Variants in FOCAD observed in about 807,000 individuals in gnomAD.
FOCAD encodes the protein KIAA1797.
In FOCAD, 198 loss-of-function variants were observed where a neutral mutation model predicts 225.6. That is an observed-to-expected ratio of 0.88 (90% CI 0.78 to 0.99). The LOEUF (loss-of-function observed/expected upper bound fraction) is 0.99, where lower values mean the gene tolerates loss of function less well. FOCAD is among the 50% of genes least tolerant of loss of function. FOCAD has a pLI of 0.00. For missense variants in FOCAD, 2,713 were observed against 2,123.6 expected (o/e 1.28, Z -5.46); for synonymous variants, 897 against 755.0 (o/e 1.19, Z -3.08).
chr9:20,964,327 T>A (rs1235528917), intron 35 of FOCAD, among the ~76,000 whole-genome samples: 1 of 152,054 alleles, frequency 6.6e-6, no homozygotes, highest in African/African-American at 2.4e-5. Flanking sequence ...GCTGCTGCAC[T>A]TACTTGCAGT....
intron 11 of FOCAD, among the ~76,000 whole-genome samples, chr9:20,816,131 A>G (rs1376179597): frequency 6.6e-6 from 1 of 152,144 alleles, no homozygotes; most frequent in Non-Finnish European, 1.5e-5. Context: ...GCCAAGTCTC[A>G]TAAAGGAACT....
intron 35 of FOCAD, among the ~76,000 whole-genome samples, chr9:20,960,526 G>A (rs939692631): frequency 2.0e-5 from 3 of 151,942 alleles, no homozygotes; most frequent in African/African-American, 7.3e-5. Flanking sequence ...AATACTTCTT[G>A]CCTGAATTAT....
upstream of FOCAD, among the ~76,000 whole-genome samples, chr9:20,655,930 C>T (rs1260949101): frequency 6.6e-6 from 1 of 151,988 alleles, no homozygotes; most frequent in Non-Finnish European, 1.5e-5. Flanking sequence ...ATAAATTTCC[C>T]TCTACACACT....
intron 5 of FOCAD, among the ~76,000 whole-genome samples, chr9:20,757,609 A>G (rs559160622): frequency 6.6e-6 from 1 of 152,272 alleles, no homozygotes; most frequent in African/African-American, 2.4e-5. Context: ...GAACCATACA[A>G]TGGGAATAAT....
chr9:20,689,179 G>T (rs923164564), intron 1 of FOCAD, among the ~76,000 whole-genome samples: 2 of 152,200 alleles, frequency 1.3e-5, no homozygotes, highest in Non-Finnish European at 2.9e-5. Flanking sequence ...CCTCTGGTCA[G>T]AGTAGAATAT....
At chr9:20,796,895 C>T (rs1483938739) in intron 11 of FOCAD, among the ~76,000 whole-genome samples, 1 of 151,726 alleles carries the variant, frequency 6.6e-6, no homozygotes, top group African/African-American at 2.4e-5. Flanking sequence ...TTGCCCATAC[C>T]TATGTACTGA....
At chr9:20,831,025 G>A (rs1338748016) in intron 15 of FOCAD, among the ~76,000 whole-genome samples, 2 of 151,926 alleles carry the variant, frequency 1.3e-5, no homozygotes, top group African/African-American at 4.8e-5. Context: ...TTATTGACTA[G>A]GGATCTTATT....
intron 3 of FOCAD, among the ~76,000 whole-genome samples, 189 bp from the exon 4 acceptor site, chr9:20,720,191 A>C (rs1026315770): frequency 6.6e-6 from 1 of 152,154 alleles, no homozygotes; most frequent in Admixed American, 6.5e-5. Context: ...GCTGTATCAA[A>C]ACACATCCAT....
At chr9:20,964,191 C>T (rs1839037387) in intron 35 of FOCAD, among the ~76,000 whole-genome samples, 1 of 151,894 alleles carries the variant, frequency 6.6e-6, no homozygotes, top group Admixed American at 6.6e-5. Flanking sequence ...CATGGTGAAA[C>T]CCCGTCTATA....
intron 11 of FOCAD, among the ~76,000 whole-genome samples, chr9:20,798,077 A>G (rs927679741): frequency 6.6e-6 from 1 of 152,118 alleles, no homozygotes; most frequent in African/African-American, 2.4e-5. Flanking sequence ...ATTTTGTCAA[A>G]GGCCTTTTCT....
intron 4 of FOCAD, among the ~76,000 whole-genome samples, chr9:20,721,504 C>T (rs1195775330): frequency 1.3e-5 from 2 of 152,040 alleles, no homozygotes; most frequent in African/African-American, 4.8e-5. Context: ...GAGTTCGAGA[C>T]CAGCCTGGCC....
chr9:20,862,632 A>T lies in FOCAD; in HGVS notation c.1975A>T (p.Thr659Ser). 6.2e-7 allele frequency: 1 copy of T among 1,613,688 alleles called. No individual in the cohort carries two copies. Among genetic ancestry groups the T allele is most frequent in the Non-Finnish European group, 8.5e-7 (1 of 1,179,710 alleles). The change falls in exon 16 of 44, where the codon ACA (threonine) becomes TCA (serine). Residue 659 changes from threonine to serine, a missense_variant. Thr to Ser is a moderately conservative substitution (Grantham distance 58). Transcript: ENST00000338382. ...NALSPKLSCD[T>S]RPLILKTLSE... ...TCTCTCTCCAAAGCTGAGTTGTGAC[A>T]CAAGACCTCTCATTCTGAAGACACT...
At chr9:20,770,276 T>G (rs777287633) in intron 8 of FOCAD, 38 bp downstream of exon 8, 3 of 1,528,608 alleles carry the variant, frequency 2.0e-6, no homozygotes, top group African/African-American at 1.4e-5. Flanking sequence ...CATGCATTGC[T>G]ATTAAGAAAT....
intron 18 of FOCAD, chr9:20,874,331 T>A (rs1830047154): frequency 5.5e-6 from 1 of 181,184 alleles, no homozygotes; most frequent in Admixed American, 6.2e-5. Context: ...CTATAGAAGT[T>A]AAATATATTG....
intron 37 of FOCAD, 145 bp downstream of exon 37, chr9:20,978,599 G>C (rs1037446440): frequency 1.2e-5 from 6 of 491,160 alleles, no homozygotes; most frequent in Admixed American, 3.9e-5. Flanking sequence ...TAGCTGGCCT[G>C]CATATTGGAA....
At chr9:20,764,725 G>A (rs1197800245) in intron 6 of FOCAD, 144 bp from the exon 7 acceptor site, 4 of 672,786 alleles carry the variant, frequency 5.9e-6, no homozygotes, top group Admixed American at 2.8e-5. Context: ...AGGTCATAGC[G>A]GAATAGAAGA....
chr9:20,796,099 A>G (rs1587197392), intron 11 of FOCAD, among the ~76,000 whole-genome samples: 1 of 152,072 alleles, frequency 6.6e-6, no homozygotes, highest in East Asian at 1.9e-4. Flanking sequence ...TTTGCTGAGA[A>G]TGATGGTTTC....
chr9:20,973,050 C>A (rs1194188846), intron 35 of FOCAD, among the ~76,000 whole-genome samples: 2 of 151,912 alleles, frequency 1.3e-5, no homozygotes, highest in African/African-American at 2.4e-5. Context: ...CTCCTTGTTC[C>A]TGTGCTTCTT....
intron 5 of FOCAD, among the ~76,000 whole-genome samples, chr9:20,747,444 A>G (rs61541427): frequency 0.031 from 4,667 of 152,258 alleles, 251 homozygotes; most frequent in African/African-American, 0.1. Flanking sequence ...TTATTGAGAT[A>G]TAATTTATGT....
Sources: allele counts gnomAD v4.1 joint callset (sites outside exome capture counted in the v4.1 genomes callset), GRCh38; gene constraint gnomAD v4.1.1; transcripts MANE v1.5; gene names NCBI Gene and HGNC (gene_info 2026-07-23, HGNC 2026-07-21).